Variants in SIK2 observed in about 807,000 individuals in gnomAD.
SIK2 encodes the protein salt inducible kinase 2.
SIK2 carries 29 observed loss-of-function variants against 103.2 expected under a neutral mutation model. The ratio of observed to expected loss-of-function variants is 0.28; its 90% CI spans 0.21 to 0.38. The LOEUF is 0.38. SIK2 is among the 10% of genes least tolerant of loss of function. The pLI is 1.00. For synonymous variants in SIK2, 412 were observed against 446.1 expected (o/e 0.92, Z 0.96); for missense variants, 879 against 1,171.0 (o/e 0.75, Z 3.64).
chr11:111,685,622 T>C (rs1942835036), intron 3 of SIK2, among the ~76,000 whole-genome samples: 1 of 152,014 alleles, frequency 6.6e-6, no homozygotes, highest in Admixed American at 6.6e-5. Flanking sequence ...GGCAGGAGGA[T>C]TGCTTGAGTC....
chr11:111,605,655 A>G (rs77479009), intron 1 of SIK2, among the ~76,000 whole-genome samples: 4 of 152,214 alleles, frequency 2.6e-5, no homozygotes, highest in African/African-American at 9.6e-5. Flanking sequence ...CATCTATGTA[A>G]TGAGCAATTA....
chr11:111,726,958 TG>T lies in SIK2; in HGVS notation c.*2833del. 6.2e-7 allele frequency: 1 copy of T among 1,612,756 alleles called. No individual in the cohort carries two copies. Among genetic ancestry groups the T allele is most frequent in the South Asian group, 1.1e-5 (1 of 91,038 alleles). On this transcript the variant is annotated 3_prime_UTR_variant, in exon 15 of 15. Transcript: ENST00000304987. ...ATTTTTTATGTTCTTTTTTTAAATC[TG>T]GGGTATTAGTCTGTGCTTTGGGAGA...
intron 3 of SIK2, among the ~76,000 whole-genome samples, chr11:111,661,277 G>A (rs1204737938): frequency 6.6e-6 from 1 of 152,138 alleles, no homozygotes; most frequent in East Asian, 1.9e-4. Flanking sequence ...CCAGCAGTTT[G>A]AGATTGATTG....
At position 111,602,978 on chromosome 11, in the gene SIK2, A is replaced by G. The variant is rs893038369; in HGVS notation, c.135+280A>G. On this transcript the variant is annotated intron_variant, in intron 1 of 14. Coordinates refer to ENST00000304987, the MANE Select transcript of SIK2 (RefSeq NM_015191.3). The surrounding 1 kb of genome is among the most constrained non-coding windows in gnomAD (Gnocchi z 4.5). ...ACGCCACCCCCGGTGGCCACCCGGA[A>G]TTTCGCCCAGAGCCCCCCACCCGGG... Among the ~76,000 whole-genome samples, 12 of 148,670 alleles carry G rather than the reference A, an allele frequency of 8.1e-5. No homozygotes were observed. Among genetic ancestry groups the G allele is most frequent in the Middle Eastern group, 3.2e-3 (1 of 310 alleles).
Position 111,726,904 on chromosome 11 carries a change from G to A in SIK2, c.*2775G>A, listed in dbSNP as rs1333796623. 19 of 1,548,440 alleles carry A rather than the reference G, an allele frequency of 1.2e-5. No individual in the cohort carries two copies. Among genetic ancestry groups the A allele is most frequent in the Non-Finnish European group, 1.5e-5 (17 of 1,124,836 alleles). ...TGAACGTGAGGTAAAAATTTCGTTC[G>A]GCAAAAAGTGCAATATGTGTGGTAC... On this transcript the variant is annotated 3_prime_UTR_variant, in exon 15 of 15. Coordinates refer to ENST00000304987, the MANE Select transcript of SIK2 (RefSeq NM_015191.3).
chr11:111,698,906 A>C (rs1335382224), intron 4 of SIK2, among the ~76,000 whole-genome samples: 2 of 152,360 alleles, frequency 1.3e-5, no homozygotes, highest in East Asian at 3.9e-4. Flanking sequence ...ACATTTGAAC[A>C]TAGTCCTTGA....
chr11:111,688,988 A>T lies in SIK2; in HGVS notation c.478+826A>T, dbSNP rs1426153981. On this transcript the variant is annotated intron_variant, in intron 4 of 14. Coordinates refer to ENST00000304987, the MANE Select transcript of SIK2 (RefSeq NM_015191.3). This position sits in a 1 kb window ranked among gnomAD's most constrained non-coding sequence, Gnocchi z 4.2. ...GTATAGGTGAGGGAACAAGCAGTCT[A>T]CCTGAAGAGTCAGGGAAGCTTCACA... Among the ~76,000 whole-genome samples the T allele has an allele frequency of 1.3e-5, 2 of 152,240 alleles. No homozygotes were observed. The highest frequency in any genetic ancestry group is 3.8e-4 in the East Asian group (2 of 5,206).
chr11:111,608,356 T>C (rs2135828923), intron 1 of SIK2, among the ~76,000 whole-genome samples: 1 of 152,298 alleles, frequency 6.6e-6, no homozygotes, highest in East Asian at 1.9e-4. Flanking sequence ...AAGTTCTTCT[T>C]GAAAGTAAAC....
chr11:111,673,124 T>C (rs186135255), intron 3 of SIK2, among the ~76,000 whole-genome samples: 2 of 152,270 alleles, frequency 1.3e-5, no homozygotes, highest in African/African-American at 4.8e-5. Flanking sequence ...CTCTATGAAG[T>C]CATGTCTTTT....
chr11:111,710,774 C>T (rs1435315527), intron 8 of SIK2, among the ~76,000 whole-genome samples: 1 of 152,184 alleles, frequency 6.6e-6, no homozygotes, highest in Non-Finnish European at 1.5e-5. Flanking sequence ...TGATTAAGGT[C>T]ACACAATTTG....
chr11:111,711,062 G>A (rs1943480692), intron 8 of SIK2, among the ~76,000 whole-genome samples: 3 of 152,014 alleles, frequency 2.0e-5, no homozygotes, highest in Admixed American at 2.0e-4. Flanking sequence ...TCATTCAGCA[G>A]CTTCATCTTT....
At chr11:111,715,713 A>G (rs1943620077) in intron 9 of SIK2, among the ~76,000 whole-genome samples, 1 of 152,130 alleles carries the variant, frequency 6.6e-6, no homozygotes, top group South Asian at 2.1e-4. Flanking sequence ...AACCTTGTAG[A>G]ATAAATCTAC....
At chr11:111,661,316 C>CTTA in intron 3 of SIK2, among the ~76,000 whole-genome samples, 1 of 152,208 alleles carries the variant, frequency 6.6e-6, no homozygotes, top group East Asian at 1.9e-4. Context: ...AGCCTTATTG[C>CTTA]TAACAGAGAG....
chr11:111,641,420 A>G (rs947262018), intron 3 of SIK2, among the ~76,000 whole-genome samples: 37 of 152,134 alleles, frequency 2.4e-4, no homozygotes, highest in East Asian at 1.9e-4. Flanking sequence ...TTGACCATTC[A>G]TTCTTCTTCT....
chr11:111,636,960 G>A (rs1565322819), intron 3 of SIK2, among the ~76,000 whole-genome samples: 1 of 152,072 alleles, frequency 6.6e-6, no homozygotes, highest in African/African-American at 2.4e-5. Flanking sequence ...GATGTGCTTT[G>A]GTGTGGGTCT....
chr11:111,726,752 T>C lies in SIK2; in HGVS notation c.*2623T>C. 1.7e-6 allele frequency: 1 copy of C among 572,574 alleles called. No homozygotes were observed. The highest frequency in any genetic ancestry group is 2.8e-5 in the East Asian group (1 of 35,172). The allele number at this position is 572,574 out of a possible 1,614,324, so 35.5% of individuals were successfully genotyped here. On this transcript the variant is annotated 3_prime_UTR_variant, in exon 15 of 15. Coordinates refer to ENST00000304987, the MANE Select transcript of SIK2 (RefSeq NM_015191.3). The stretch of plus-strand genomic sequence containing the variant: ...AGAAGGCTTAGTATCGCTCTTTTTC[T>C]GCGGGGCTACTCTGAAGTACTGACT...
chr11:111,710,758 G>C (rs1020722918), intron 8 of SIK2, among the ~76,000 whole-genome samples: 5 of 152,202 alleles, frequency 3.3e-5, no homozygotes, highest in Admixed American at 6.5e-5. Context: ...GAGAGGTTAG[G>C]AAACCTGATT....
intron 1 of SIK2, among the ~76,000 whole-genome samples, chr11:111,610,227 C>T (rs1478919427): frequency 1.4e-4 from 21 of 152,070 alleles, no homozygotes; most frequent in Non-Finnish European, 2.8e-4. Context: ...TGGTAGCTCA[C>T]GCCTGTAATC....
chr11:111,719,700 T>C, intron 9 of SIK2, 75 bp from the exon 10 acceptor site: 1 of 1,428,796 alleles, frequency 7.0e-7, no homozygotes, highest in Non-Finnish European at 9.7e-7. Context: ...CCACAAGTCT[T>C]GACATGTTTT....
Sources: gnomAD v4.1 joint callset for allele counts (sites outside exome capture counted in the v4.1 genomes callset) on GRCh38, gnomAD v4.1.1 for gene constraint, Gnocchi (gnomAD v3.1) non-coding constraint, MANE v1.5 for transcripts, NCBI Gene and HGNC (gene_info 2026-07-23, HGNC 2026-07-21) for gene names.